Variants in LIMS2 observed in about 807,000 individuals in gnomAD.
LIMS2 encodes the protein LIM and senescent cell antigen-like-containing domain protein 2.
LIMS2 carries 30 observed loss-of-function variants against 45.3 expected under a neutral mutation model. That is an observed-to-expected ratio of 0.66 (90% CI 0.50 to 0.90). The LOEUF is 0.90. Ranked by LOEUF, LIMS2 falls within the 40% of genes least tolerant of loss-of-function variation. The pLI is 0.00. For synonymous variants in LIMS2, 173 were observed against 188.0 expected, an observed-to-expected ratio of 0.92 and a Z score of 0.65; for missense variants, 485 against 468.7, an observed-to-expected ratio of 1.03 and a Z score of -0.32.
At position 127,639,265 on chromosome 2, in the gene LIMS2, C is replaced by G; in HGVS notation, c.*16G>C. 6.2e-7 allele frequency: 1 copy of G among 1,611,528 alleles called. No individual in the cohort carries two copies. Among genetic ancestry groups the G allele is most frequent in the Non-Finnish European group, 8.5e-7 (1 of 1,178,612 alleles). On this transcript the variant is annotated 3_prime_UTR_variant, in exon 10 of 10. Transcript: ENST00000355119. ...AGAAGGCGGAGGGGCCGAGAGGCAG[C>G]TGCGCAAGAGGGCCTTCAGGCAGAG...
chr2:127,669,023 G>T (rs1391304340), intron 1 of LIMS2, among the ~76,000 whole-genome samples: 1 of 152,066 alleles, frequency 6.6e-6, no homozygotes, highest in Non-Finnish European at 1.5e-5. Context: ...GCCCAGGGAG[G>T]TTGAGACTGC....
At chr2:127,657,260 G>A (rs559995255) in intron 2 of LIMS2, 143 bp downstream of exon 2, 200 of 906,012 alleles carry the variant, frequency 2.2e-4, no homozygotes, top group Non-Finnish European at 2.8e-4. Flanking sequence ...GGATGGGCCC[G>A]TGCAGGAGCT....
upstream of LIMS2, among the ~76,000 whole-genome samples, chr2:127,676,050 T>C (rs1685491609): frequency 6.6e-6 from 1 of 152,112 alleles, no homozygotes. Context: ...TATAAACTAT[T>C]TAGGGAATCT....
intron 1 of LIMS2, among the ~76,000 whole-genome samples, chr2:127,680,998 A>C (rs1476290807): frequency 1.3e-5 from 2 of 152,130 alleles, no homozygotes; most frequent in Non-Finnish European, 2.9e-5. Context: ...ACTGAGGGTC[A>C]CTTTGCTTCT....
chr2:127,671,920 C>G lies in LIMS2; in HGVS notation c.11+3094G>C, dbSNP rs1685286243. ...AGGGCTCTAGCTGCAGTCAGCTGCC[C>G]CTTGGCCGACACCTTCTGCCTAGGG... On this transcript the variant is annotated intron_variant, in intron 1 of 9. Transcript: ENST00000355119. This position sits in a 1 kb window ranked among gnomAD's most constrained non-coding sequence, Gnocchi z 4.1. Among the ~76,000 whole-genome samples the G allele has an allele frequency of 6.6e-6, 1 of 152,244 alleles. No individual in the cohort carries two copies. Among genetic ancestry groups the G allele is most frequent in the South Asian group, 2.1e-4 (1 of 4,830 alleles).
chr2:127,668,381 C>A (rs1465831314), intron 1 of LIMS2, among the ~76,000 whole-genome samples: 4 of 151,426 alleles, frequency 2.6e-5, no homozygotes, highest in African/African-American at 9.7e-5. Flanking sequence ...TAAAAAAAAA[C>A]AAAGAGGCCA....
intron 1 of LIMS2, among the ~76,000 whole-genome samples, chr2:127,662,032 A>T (rs1032569479): frequency 2.0e-5 from 3 of 152,186 alleles, no homozygotes; most frequent in Admixed American, 6.5e-5. Context: ...AGCCACAAGA[A>T]GTCTGGTCAC....
rs1447657162 is a variant in LIMS2, at chr2:127,647,096, C to G, written c.360-4024G>C. The stretch of plus-strand genomic sequence containing the variant: ...GAGGCACCACAGGCCCACCTGGTGC[C>G]ATGAGATATGCCACCCCTGCCGTCA... On this transcript the variant is annotated intron_variant, in intron 4 of 9. Coordinates refer to ENST00000355119, the MANE Select transcript of LIMS2 (RefSeq NM_001161403.3). The surrounding 1 kb of genome is among the most constrained non-coding windows in gnomAD (Gnocchi z 4.3). 6.6e-6 allele frequency among the ~76,000 whole-genome samples: 1 copy of G among 152,188 alleles called. No individual in the cohort carries two copies. The highest frequency in any genetic ancestry group is 1.5e-5 in the Non-Finnish European group (1 of 68,032).
intron 1 of LIMS2, among the ~76,000 whole-genome samples, chr2:127,657,869 T>C (rs888126296): frequency 6.6e-5 from 10 of 152,074 alleles, no homozygotes; most frequent in African/African-American, 2.4e-4. Context: ...TCTCATTTAA[T>C]CCCCAGGGCA....
At position 127,671,123 on chromosome 2, in the gene LIMS2, C is replaced by T. The variant is rs567173434; in HGVS notation, c.11+3891G>A. Among the ~76,000 whole-genome samples the T allele has an allele frequency of 6.8e-4, 103 of 152,244 alleles. No homozygotes were observed. The highest frequency in any genetic ancestry group is 2.2e-3 in the African/African-American group (92 of 41,560). ...CCCCTTTCCCACCTGGAAGTGAAGA[C>T]CTAAGGGATGGTTAAGCCTGCATGC... is the stretch of plus-strand genomic sequence containing the variant. On this transcript the variant is annotated intron_variant, in intron 1 of 9. Coordinates refer to ENST00000355119, the MANE Select transcript of LIMS2 (RefSeq NM_001161403.3). The surrounding 1 kb of genome is among the most constrained non-coding windows in gnomAD (Gnocchi z 4.1).
chr2:127,678,686 G>A (rs572169686), upstream of LIMS2, among the ~76,000 whole-genome samples: 1 of 152,212 alleles, frequency 6.6e-6, no homozygotes, highest in African/African-American at 2.4e-5. This position sits in a 1 kb window ranked among gnomAD's most constrained non-coding sequence, Gnocchi z 5.3. Flanking sequence ...GGGCAGGTGT[G>A]TGTGTGGCAG....
rs780102756 is a variant in LIMS2, at chr2:127,643,001, T to C, written c.431A>G (p.His144Arg). The change falls in exon 5 of 10, where the codon CAC becomes CGC. Residue 144 changes from histidine to arginine, a missense_variant. Physicochemically the swap from His to Arg is conservative, Grantham distance 29. Coordinates refer to ENST00000355119, the MANE Select transcript of LIMS2 (RefSeq NM_001161403.3). ...GAGGGGCTGCTCGTCGATGACCAGG[T>C]GGCACCGCTGGCAGATGTACTTGCC... Reference protein sequence around the residue: ...GLGKYICQRCHLVIDEQPLMF... With the variant: ...GLGKYICQRCRLVIDEQPLMF... 110 of 1,578,864 alleles carry C rather than the reference T, an allele frequency of 7.0e-5. No individual in the cohort carries two copies. Among genetic ancestry groups the C allele is most frequent in the Non-Finnish European group, 9.5e-5 (110 of 1,162,546 alleles).
chr2:127,654,157 A>C (rs1230420897), intron 4 of LIMS2, among the ~76,000 whole-genome samples: 1 of 151,976 alleles, frequency 6.6e-6, no homozygotes, highest in Non-Finnish European at 1.5e-5. Flanking sequence ...GGGTCAGTAG[A>C]TGGGGTGGCC....
chr2:127,654,626 A>G lies in LIMS2; in HGVS notation c.239-82T>C. On this transcript the variant is annotated intron_variant, in intron 3 of 9. Coordinates refer to ENST00000355119, the MANE Select transcript of LIMS2 (RefSeq NM_001161403.3). ...CCCTCCCAAGCCCTGTCCACCTAGC[A>G]CTCCGCCTGCTCTCTGCCTGGCCCA... The G allele has an allele frequency of 2.5e-6, 4 of 1,591,628 alleles. No individual in the cohort carries two copies. In the South Asian group the frequency reaches 3.4e-5, roughly 14 times the overall value.
intron 1 of LIMS2, among the ~76,000 whole-genome samples, chr2:127,659,243 G>A (rs1238059232): frequency 2.6e-5 from 4 of 152,240 alleles, no homozygotes; most frequent in Admixed American, 2.6e-4. Context: ...TGGGCATGCT[G>A]GGCTTCTGTC....
At chr2:127,657,646 A>G in intron 1 of LIMS2, 84 bp from the exon 2 acceptor site, 1 of 1,372,602 alleles carries the variant, frequency 7.3e-7, no homozygotes, top group Non-Finnish European at 9.9e-7. Context: ...CCCGACAGAC[A>G]CACCTCGTAT....
chr2:127,656,210 A>C (rs1684239239), intron 2 of LIMS2: 1 of 152,240 alleles, frequency 6.6e-6, no homozygotes, highest in African/African-American at 2.4e-5. Flanking sequence ...TTTAAACAAT[A>C]ACTCTGTTGC....
In LIMS2 at chr2:127,647,417, C is replaced by T. The variant is rs1224507444; in HGVS notation, c.360-4345G>A. Among the ~76,000 whole-genome samples, 1 of 152,186 alleles carries T rather than the reference C, an allele frequency of 6.6e-6. No individual in the cohort carries two copies. Among genetic ancestry groups the T allele is most frequent in the Non-Finnish European group, 1.5e-5 (1 of 68,030 alleles). On this transcript the variant is annotated intron_variant, in intron 4 of 9. Coordinates refer to ENST00000355119, the MANE Select transcript of LIMS2 (RefSeq NM_001161403.3). The surrounding 1 kb of genome is among the most constrained non-coding windows in gnomAD (Gnocchi z 4.3). Reference sequence around the variant, plus strand: ...CTAAGACAAGTTAGCAGACACTCAGCCTTGACTCCCTAACCTGCAACATGG... The same window carrying T: ...CTAAGACAAGTTAGCAGACACTCAGTCTTGACTCCCTAACCTGCAACATGG...
intron 4 of LIMS2, chr2:127,651,490 A>T: frequency 6.2e-7 from 1 of 1,612,698 alleles, no homozygotes; most frequent in East Asian, 2.2e-5. Flanking sequence ...GTGCCCTACC[A>T]CGTCAACCGC....
Sources: gnomAD v4.1 joint callset for allele counts (sites outside exome capture counted in the v4.1 genomes callset) on GRCh38, gnomAD v4.1.1 for gene constraint, Gnocchi (gnomAD v3.1) non-coding constraint, MANE v1.5 for transcripts, NCBI Gene and HGNC (gene_info 2026-07-23, HGNC 2026-07-21) for gene names.